The following RIN3 variants were observed in gnomAD, a reference collection of about 807,000 sequenced individuals.
The protein encoded by RIN3 is RAB5 interacting protein 3.
RIN3 carries 54 observed loss-of-function variants against 76.3 expected under a neutral mutation model. The observed-to-expected ratio is 0.71, with a 90% CI of 0.57 to 0.89. RIN3 has a LOEUF of 0.89. RIN3 is among the 40% of genes least tolerant of loss of function. The pLI is 0.00. For missense variants in RIN3, 1,256 were observed against 1,322.1 expected, an observed-to-expected ratio of 0.95 and a Z score of 0.78; for synonymous variants, 576 against 564.0, an observed-to-expected ratio of 1.02 and a Z score of -0.30.
intron 1 of RIN3, among the ~76,000 whole-genome samples, chr14:92,545,106 G>GTTTTTT (rs540126016): frequency 7.3e-5 from 6 of 82,172 alleles, no homozygotes; most frequent in Admixed American, 1.7e-4. Context: ...ACTTTCTGGT[G>GTTTTTT]TTTTTTTTTT....
chr14:92,642,525 T>C (rs1402316700), intron 5 of RIN3, among the ~76,000 whole-genome samples: 2 of 152,096 alleles, frequency 1.3e-5, no homozygotes, highest in Non-Finnish European at 2.9e-5. Flanking sequence ...TCAACAAGTC[T>C]TTAGTAAAAC....
intron 1 of RIN3, among the ~76,000 whole-genome samples, chr14:92,539,290 G>A (rs1410968039): frequency 6.6e-6 from 1 of 152,132 alleles, no homozygotes; most frequent in Non-Finnish European, 1.5e-5. Flanking sequence ...TACTTACTGG[G>A]CGAATAAATA....
intron 7 of RIN3, 48 bp downstream of exon 7, chr14:92,659,517 G>A: frequency 6.6e-7 from 1 of 1,524,342 alleles, no homozygotes; most frequent in South Asian, 1.3e-5. Flanking sequence ...CTCTTTGTAT[G>A]GGTCCATGAC....
At chr14:92,666,819 A>C (rs1319727981) in intron 7 of RIN3, among the ~76,000 whole-genome samples, 1 of 152,128 alleles carries the variant, frequency 6.6e-6, no homozygotes, top group Admixed American at 6.5e-5. Context: ...AATGCCGAGC[A>C]GGAGGCATCC....
Position 92,652,170 on chromosome 14 carries a change from C to G in RIN3, c.1121C>G (p.Pro374Arg). Reference protein sequence around the residue: ...ASSPLQQVPAPPLPAKKNLPT... With the variant: ...ASSPLQQVPARPLPAKKNLPT... ...AGTCCCTTGCAGCAGGTCCCCGCCC[C>G]GCCACTGCCTGCGAAGAAGAACCTT... The change falls in exon 6 of 10, where the codon CCG (proline) becomes CGG (arginine). Residue 374 changes from proline (P) to arginine (R), a missense_variant. By Grantham distance (103) the Pro-to-Arg change is moderately radical. This residue lies in a region of RIN3 where 610 missense variants were observed against 626.4 expected (regional missense o/e 0.97). Coordinates refer to ENST00000216487, the MANE Select transcript of RIN3 (RefSeq NM_024832.5). This position sits in a 1 kb window ranked among gnomAD's most constrained non-coding sequence, Gnocchi z 6.4. 1 of 1,601,152 alleles carries G rather than the reference C, an allele frequency of 6.2e-7. No individual in the cohort carries two copies. The highest frequency in any genetic ancestry group is 1.3e-5 in the African/African-American group (1 of 74,848).
intron 1 of RIN3, among the ~76,000 whole-genome samples, chr14:92,525,515 G>C (rs565067015): frequency 2.6e-5 from 4 of 152,130 alleles, no homozygotes; most frequent in Non-Finnish European, 5.9e-5. Flanking sequence ...ATGCCAAAGA[G>C]GGGGGTGAAA....
At chr14:92,581,195 G>A (rs1566852721) in intron 3 of RIN3, among the ~76,000 whole-genome samples, 3 of 152,168 alleles carry the variant, frequency 2.0e-5, no homozygotes, top group East Asian at 1.9e-4. Context: ...CCTTCTTAGC[G>A]GGTGCTCCTG....
chr14:92,688,043 C>G lies in RIN3; in HGVS notation c.2749C>G (p.Arg917Gly), dbSNP rs368234737. Residue 917 changes from arginine (R) to glycine (G), a missense_variant, in exon 10 of 10, where the codon CGG becomes GGG. Around this residue, in one of 3 missense-constraint regions of RIN3, gnomAD observed 218 missense variants for 174.5 expected, o/e 1.25. Transcript: ENST00000216487. ...GTGCGCGGAGAAGTTCGCGGTGGAG[C>G]GGCCGCAGGCGCACCGGCTGTTCGT... ...AQCAEKFAVE[R>G]PQAHRLFVLV... 1.9e-6 allele frequency: 3 copies of G among 1,597,690 alleles called. No homozygotes were observed. The highest frequency in any genetic ancestry group is 2.6e-6 in the Non-Finnish European group (3 of 1,173,784).
Position 92,665,480 on chromosome 14 carries a change from G to A in RIN3, c.2335+6011G>A, listed in dbSNP as rs118102366. 2.9e-3 allele frequency among the ~76,000 whole-genome samples: 425 copies of A among 144,886 alleles called. 11 individuals carry two copies. In the East Asian group the frequency reaches 0.053, roughly 18 times the overall value. On this transcript the variant is annotated intron_variant, in intron 7 of 9. Transcript: ENST00000216487. ...TGCAAGCTCCTCCTCCCGGGGTCAC[G>A]TTATTCTCTTGCCTCAGCCTCCTGA...
chr14:92,680,200 CTTT>C (rs34005662), intron 8 of RIN3, among the ~76,000 whole-genome samples: 6 of 134,300 alleles, frequency 4.5e-5, no homozygotes, highest in Admixed American at 7.5e-5. Flanking sequence ...CTCTCTGGCA[CTTT>C]TTTTTTTTTT....
intron 1 of RIN3, among the ~76,000 whole-genome samples, chr14:92,547,100 T>A (rs7154863): frequency 0.8 from 56,013 of 70,236 alleles, 23,045 homozygotes; most frequent in Middle Eastern, 0.91. Flanking sequence ...ATATTATAAT[T>A]AAATAAATTA....
At position 92,659,226 on chromosome 14, in the gene RIN3, T is replaced by C. The variant is rs370343856; in HGVS notation, c.2092T>C (p.Cys698Arg). 5 of 1,614,088 alleles carry C rather than the reference T, an allele frequency of 3.1e-6. No homozygotes were observed. In the African/African-American group the frequency reaches 5.3e-5, roughly 17 times the overall value. The part of the protein sequence containing the change: ...LKPLKEAINS[C>R]LHQIHSKDGS... ...GCCCCTGAAGGAAGCCATCAACTCA[T>C]GCCTGCATCAGATCCACAGCAAGGA... The change falls in exon 7 of 10, where the codon TGC becomes CGC. Residue 698 changes from cysteine to arginine, a missense_variant. Physicochemically the swap from Cys to Arg is radical, Grantham distance 180. Around this residue, in one of 3 missense-constraint regions of RIN3, gnomAD observed 428 missense variants for 521.2 expected, o/e 0.82. Transcript: ENST00000216487.
At chr14:92,609,385 T>C (rs930451980) in intron 3 of RIN3, among the ~76,000 whole-genome samples, 1 of 152,174 alleles carries the variant, frequency 6.6e-6, no homozygotes, top group Non-Finnish European at 1.5e-5. Context: ...TTGGAGTGCA[T>C]TGGGTTCGGC....
chr14:92,540,689 G>A (rs963650539), intron 1 of RIN3, among the ~76,000 whole-genome samples: 11 of 152,270 alleles, frequency 7.2e-5, no homozygotes, highest in African/African-American at 2.7e-4. Context: ...CTAGGAAGAA[G>A]GATCTGGCAG....
At chr14:92,584,254 G>A (rs1016867549) in intron 3 of RIN3, among the ~76,000 whole-genome samples, 9 of 152,210 alleles carry the variant, frequency 5.9e-5, no homozygotes, top group African/African-American at 2.2e-4. Context: ...GCAACAACTT[G>A]TGTATATTGC....
chr14:92,662,134 C>T (rs776987428), intron 7 of RIN3, among the ~76,000 whole-genome samples: 4 of 152,272 alleles, frequency 2.6e-5, no homozygotes, highest in Non-Finnish European at 4.4e-5. Flanking sequence ...CGACATGAGG[C>T]GGAGGGTTAA....
chr14:92,551,994 G>T (rs776860445), intron 1 of RIN3, among the ~76,000 whole-genome samples: 17 of 152,234 alleles, frequency 1.1e-4, no homozygotes, highest in Non-Finnish European at 2.1e-4. Context: ...AGGAGGTGCA[G>T]GTGGACAGAG....
chr14:92,513,959 G>C lies in RIN3; in HGVS notation c.27G>C (p.Ala9=), dbSNP rs1206986356. 5.6e-6 allele frequency: 7 copies of C among 1,244,898 alleles called. No homozygotes were observed. The highest frequency in any genetic ancestry group is 7.0e-6 in the Non-Finnish European group (7 of 994,678). 77.1% of individuals were successfully genotyped at this position (1,244,898 alleles called of 1,614,324 possible). A position where few individuals can be genotyped will look rare whatever the true frequency, so the allele number is the denominator to read the frequency against. MIRHAGAP[A]RGDPTGPVPV... ...TGATCCGACACGCCGGGGCGCCCGC[G>C]CGCGGGGACCCCACGGGGTAAGTCC... is the stretch of plus-strand genomic sequence containing the variant. Residue 9 remains alanine, a synonymous_variant, in exon 1 of 10, where the codon GCG becomes GCC. Transcript: ENST00000216487.
rs1456395751 is a variant in RIN3, at chr14:92,648,821, C to T, written c.533-2761C>T. The stretch of plus-strand genomic sequence containing the variant: ...GGAACACAGGCGGGGTGGGCAAGGC[C>T]TGAGCACATCAGGGAGGCGCTACCA... On this transcript the variant is annotated intron_variant, in intron 5 of 9. Coordinates refer to ENST00000216487, the MANE Select transcript of RIN3 (RefSeq NM_024832.5). This position sits in a 1 kb window ranked among gnomAD's most constrained non-coding sequence, Gnocchi z 4.1. Among the ~76,000 whole-genome samples, 1 of 152,228 alleles carries T rather than the reference C, an allele frequency of 6.6e-6. No homozygotes were observed. The highest frequency in any genetic ancestry group is 1.5e-5 in the Non-Finnish European group (1 of 68,046).
Sources: gnomAD v4.1 joint callset for allele counts (sites outside exome capture counted in the v4.1 genomes callset) on GRCh38, gnomAD v4.1.1 for gene constraint, gnomAD v4.1.1 regional missense constraint, Gnocchi (gnomAD v3.1) non-coding constraint, MANE v1.5 for transcripts, NCBI Gene and HGNC (gene_info 2026-07-23, HGNC 2026-07-21) for gene names.